The following SEC16A variants were observed in gnomAD, a reference collection of about 807,000 sequenced individuals.
The protein encoded by SEC16A is protein transport protein Sec16A.
Under a neutral mutation model 221.9 loss-of-function variants are expected in SEC16A, and 110 were observed. That is an observed-to-expected ratio of 0.50 (90% CI 0.42 to 0.58). SEC16A has a LOEUF of 0.58. Ranked by LOEUF, SEC16A falls within the 20% of genes least tolerant of loss-of-function variation. The pLI, the probability that SEC16A is intolerant of heterozygous loss-of-function variation, is 0.00. For missense variants in SEC16A, 3,165 were observed against 3,097.8 expected (o/e 1.02, Z -0.52); for synonymous variants, 1,393 against 1,257.7 (o/e 1.11, Z -2.28).
chr9:136,449,747 C>T (rs1323428985), intron 23 of SEC16A, among the ~76,000 whole-genome samples: 1 of 152,204 alleles, frequency 6.6e-6, no homozygotes, highest in East Asian at 1.9e-4. Context: ...CCCGGGGAGG[C>T]CTGTGATAGC....
intron 23 of SEC16A, chr9:136,448,971 T>C (rs2131907384): frequency 1.6e-6 from 1 of 633,712 alleles, no homozygotes; most frequent in Non-Finnish European, 2.9e-6. Context: ...GTGAATGTAC[T>C]TGGTGCCACA....
intron 12 of SEC16A, among the ~76,000 whole-genome samples, chr9:136,462,151 CCTTT>C (rs1318357048): frequency 2.0e-5 from 3 of 151,998 alleles, no homozygotes; most frequent in Non-Finnish European, 2.9e-5. Context: ...TCAAATATGC[CCTTT>C]CTGAGTTTAT....
chr9:136,445,085 T>C lies in SEC16A; in HGVS notation c.6894A>G (p.Ser2298=). The C allele has an allele frequency of 6.2e-7, 1 of 1,607,112 alleles. No homozygotes were observed. Among genetic ancestry groups the C allele is most frequent in the Non-Finnish European group, 8.5e-7 (1 of 1,176,966 alleles). ...AATGCTGGCTCACTTCACGTGATAA[T>C]GAACTCATTGAACTACAGCGCGAAA... ...GELSRCSSMS[S]LSREVSQHFN... is the part of the protein sequence containing the mutation. Residue 2298 remains serine (S), a synonymous_variant, in exon 30 of 32, where the codon TCA becomes TCG. Transcript: ENST00000684901.
At chr9:136,478,990 ATG>A (rs1442091132) in intron 1 of SEC16A, among the ~76,000 whole-genome samples, 160 bp from the exon 2 acceptor site, 1 of 152,234 alleles carries the variant, frequency 6.6e-6, no homozygotes, top group Non-Finnish European at 1.5e-5. Flanking sequence ...CACCAGCAAG[ATG>A]TTACCTTTGA....
Position 136,447,743 on chromosome 9 carries a change from A to C in SEC16A, c.6448-63T>G. 6.4e-7 allele frequency: 1 copy of C among 1,552,222 alleles called. No individual in the cohort carries two copies. Among genetic ancestry groups the C allele is most frequent in the Non-Finnish European group, 8.8e-7 (1 of 1,130,876 alleles). On this transcript the variant is annotated intron_variant, in intron 25 of 31. Transcript: ENST00000684901. This position sits in a 1 kb window ranked among gnomAD's most constrained non-coding sequence, Gnocchi z 5.5. ...GCACAGAAACCCACTGGGATGGCAC[A>C]GTCAGGAGGCTCCAAAAGGGGCAAC...
At chr9:136,452,064 G>A (rs946403938) in intron 22 of SEC16A, among the ~76,000 whole-genome samples, 11 of 152,122 alleles carry the variant, frequency 7.2e-5, no homozygotes, top group Non-Finnish European at 1.5e-4. Context: ...TCACTTTCAG[G>A]AAAACCAGTG....
rs778317081 is a variant in SEC16A, at chr9:136,462,880, G to A, written c.4893+7C>T. On this transcript the variant is annotated splice_region_variant and intron_variant, in intron 12 of 31. Transcript: ENST00000684901. ...CAGGCGCCAGGTGCCATGATGAGGA[G>A]GCGCACCTTCTTACGGCCATACAGC... 1.0e-5 allele frequency: 16 copies of A among 1,598,860 alleles called. No individual in the cohort carries two copies. Among genetic ancestry groups the A allele is most frequent in the Non-Finnish European group, 1.3e-5 (15 of 1,179,060 alleles).
Position 136,475,322 on chromosome 9 carries a change from A to G in SEC16A, c.2294T>C (p.Met765Thr). The G allele has an allele frequency of 6.2e-7, 1 of 1,612,888 alleles. No individual in the cohort carries two copies. Among genetic ancestry groups the G allele is most frequent in the Non-Finnish European group, 8.5e-7 (1 of 1,179,266 alleles). ...PPVVQPPEEAMSGQQSRNPSS... is the reference protein window; with the variant it reads ...PPVVQPPEEATSGQQSRNPSS... ...TGGGTTCCGTGACTGCTGCCCGGAC[A>G]TCGCCTCTTCTGGAGGCTGAACAAC... The change falls in exon 3 of 32, where the codon ATG becomes ACG. Residue 765 changes from methionine to threonine, a missense_variant. Met to Thr is a moderately conservative substitution (Grantham distance 81). Transcript: ENST00000684901. The surrounding 1 kb of genome is among the most constrained non-coding windows in gnomAD (Gnocchi z 5.0).
Position 136,459,708 on chromosome 9 carries a change from T to C in SEC16A, c.5191+49A>G. On this transcript the variant is annotated intron_variant, in intron 15 of 31. Transcript: ENST00000684901. The surrounding 1 kb of genome is among the most constrained non-coding windows in gnomAD (Gnocchi z 6.1). ...GCCAACGCCACAGACAACCGGGCCT[T>C]CGGCGCTCCATCCGCGACACCCAAT... 1 of 1,493,200 alleles carries C rather than the reference T, an allele frequency of 6.7e-7. No homozygotes were observed. Among genetic ancestry groups the C allele is most frequent in the Non-Finnish European group, 9.2e-7 (1 of 1,092,746 alleles). 92.5% of individuals were successfully genotyped at this position (1,493,200 alleles called of 1,614,324 possible). A position where few individuals can be genotyped will look rare whatever the true frequency, so the allele number is the denominator to read the frequency against.
At position 136,475,949 on chromosome 9, in the gene SEC16A, T is replaced by C. The variant is rs1335596680; in HGVS notation, c.1667A>G (p.Asp556Gly). Residue 556 changes from aspartate (D) to glycine (G), a missense_variant, in exon 3 of 32, where the codon GAT becomes GGT. Around this residue, in one of 3 missense-constraint regions of SEC16A, gnomAD observed 2,030 missense variants for 1,923.1 expected, o/e 1.06. Transcript: ENST00000684901. The surrounding 1 kb of genome is among the most constrained non-coding windows in gnomAD (Gnocchi z 5.0). ...CTTAAAAAAACTACCTGAAGCTTCA[T>C]CCTCGGGTTTTCCAACTTCTTGCTG... ...FIQQEVGKPE[D>G]EASGSFFKQI... 3 of 1,613,454 alleles carry C rather than the reference T, an allele frequency of 1.9e-6. No homozygotes were observed. Among genetic ancestry groups the C allele is most frequent in the South Asian group, 1.1e-5 (1 of 91,084 alleles).
In SEC16A at chr9:136,455,727, C is replaced by T. The variant is rs774548304; in HGVS notation, c.5731G>A (p.Glu1911Lys). Reference sequence around the variant, plus strand: ...CCTGGCCTGTCCAACTGCTCCATCTCGGAACTCGGAGTGCCAGGACACTGC... The same window carrying T: ...CCTGGCCTGTCCAACTGCTCCATCTTGGAACTCGGAGTGCCAGGACACTGC... ...PQQCPGTPSSEMEQLDRPGLS... is the reference protein window; with the variant it reads ...PQQCPGTPSSKMEQLDRPGLS... Residue 1911 changes from glutamate to lysine, a missense_variant, in exon 20 of 32, where the codon GAG (glutamate) becomes AAG (lysine). Transcript: ENST00000684901. 2.9e-5 allele frequency: 47 copies of T among 1,596,484 alleles called. No homozygotes were observed. The highest frequency in any genetic ancestry group is 3.7e-5 in the Non-Finnish European group (43 of 1,172,162).
rs1840232399 is a variant in SEC16A, at chr9:136,466,881, C to T, written c.3929+76G>A. 1 of 1,504,230 alleles carries T rather than the reference C, an allele frequency of 6.6e-7. No homozygotes were observed. Among genetic ancestry groups the T allele is most frequent in the Non-Finnish European group, 8.9e-7 (1 of 1,123,180 alleles). The allele number at this position is 1,504,230 out of a possible 1,614,324, so 93.2% of individuals were successfully genotyped here. Reference sequence around the variant, plus strand: ...ACTACCACAGCTCTTTGTTAAAACCCAGACATGAGGGCAGAGAAGCACTAG... The same window carrying T: ...ACTACCACAGCTCTTTGTTAAAACCTAGACATGAGGGCAGAGAAGCACTAG... On this transcript the variant is annotated intron_variant, in intron 6 of 31. Coordinates refer to ENST00000684901, the MANE Select transcript of SEC16A (RefSeq NM_014866.2). This position sits in a 1 kb window ranked among gnomAD's most constrained non-coding sequence, Gnocchi z 5.5.
upstream of SEC16A, chr9:136,483,080 G>T (rs910747599): frequency 4.6e-5 from 43 of 943,598 alleles, no homozygotes; most frequent in Non-Finnish European, 5.2e-5. Flanking sequence ...CGACGTGTCC[G>T]GCTTACGACA....
intron 30 of SEC16A, 65 bp downstream of exon 30, chr9:136,444,987 G>C (rs1335960850): frequency 3.4e-6 from 5 of 1,462,834 alleles, no homozygotes; most frequent in Non-Finnish European, 3.8e-6. Context: ...CCGGCACCGC[G>C]TGCTCAGGAA....
intron 22 of SEC16A, among the ~76,000 whole-genome samples, chr9:136,452,077 A>G (rs1837890304): frequency 1.3e-5 from 2 of 152,214 alleles, no homozygotes; most frequent in South Asian, 4.1e-4. Context: ...AACCAGTGAC[A>G]ATGTTAGAAA....
Position 136,466,655 on chromosome 9 carries a change from T to C in SEC16A, c.3930-193A>G, listed in dbSNP as rs1257786676. On this transcript the variant is annotated intron_variant, in intron 6 of 31. Coordinates refer to ENST00000684901, the MANE Select transcript of SEC16A (RefSeq NM_014866.2). This position sits in a 1 kb window ranked among gnomAD's most constrained non-coding sequence, Gnocchi z 5.5. ...CGAATGCGTCTCCAGTGTGGTCACT[T>C]CTCTGGGCTGCAGGGCGCGACCGGT... Among the ~76,000 whole-genome samples the C allele has an allele frequency of 1.3e-5, 2 of 152,114 alleles. No individual in the cohort carries two copies. Among genetic ancestry groups the C allele is most frequent in the Non-Finnish European group, 2.9e-5 (2 of 68,014 alleles).
intron 30 of SEC16A, 180 bp from the exon 31 acceptor site, chr9:136,444,080 T>C: frequency 1.9e-6 from 1 of 524,234 alleles, no homozygotes; most frequent in East Asian, 3.4e-5. Context: ...CAGAGAAAAA[T>C]GGTGAAAATC....
chr9:136,440,600 C>A lies in SEC16A; in HGVS notation c.*1155G>T, dbSNP rs1246896915. On this transcript the variant is annotated 3_prime_UTR_variant, in exon 32 of 32. Coordinates refer to ENST00000684901, the MANE Select transcript of SEC16A (RefSeq NM_014866.2). ...AGAATACGAAGAGTTTCAGAACAGTCAGAGAAGCCTTAAAGCTTTGCATCA... is the reference window on the plus strand; with the variant it reads ...AGAATACGAAGAGTTTCAGAACAGTAAGAGAAGCCTTAAAGCTTTGCATCA... 2 of 152,606 alleles carry A rather than the reference C, an allele frequency of 1.3e-5. No individual in the cohort carries two copies. The highest frequency in any genetic ancestry group is 3.7e-4 in the East Asian group (2 of 5,346). The allele number at this position is 152,606 out of a possible 1,614,324, so 9.5% of individuals were successfully genotyped here.
Position 136,447,149 on chromosome 9 carries a change from G to A in SEC16A, c.6697+78C>T, listed in dbSNP as rs1837111399. 2.0e-6 allele frequency: 3 copies of A among 1,537,848 alleles called. No individual in the cohort carries two copies. The highest frequency in any genetic ancestry group is 2.7e-5 in the African/African-American group (2 of 72,946). ...GGTCATTCTTTTAACGGGAGATTTA[G>A]GAGAGACTCATAGAAAGAGGATCAA... is the stretch of plus-strand genomic sequence containing the variant. On this transcript the variant is annotated intron_variant, in intron 27 of 31. Coordinates refer to ENST00000684901, the MANE Select transcript of SEC16A (RefSeq NM_014866.2). The surrounding 1 kb of genome is among the most constrained non-coding windows in gnomAD (Gnocchi z 5.5).
Sources: allele counts gnomAD v4.1 joint callset (sites outside exome capture counted in the v4.1 genomes callset), GRCh38; gene constraint gnomAD v4.1.1; regional missense constraint gnomAD v4.1.1; non-coding constraint Gnocchi (gnomAD v3.1); transcripts MANE v1.5; gene names NCBI Gene and HGNC (gene_info 2026-07-23, HGNC 2026-07-21).